IGFBP7: variants seen among roughly 807,000 people sequenced by gnomAD.
IGFBP7 encodes insulin-like growth factor-binding protein 7.
IGFBP7 carries 31 observed loss-of-function variants against 29.4 expected under a neutral mutation model. That is an observed-to-expected ratio of 1.05 (90% CI 0.79 to 1.42). The LOEUF (loss-of-function observed/expected upper bound fraction) is 1.42, where lower values mean the gene tolerates loss of function less well. IGFBP7 is among the 40% of genes most tolerant of loss of function. The pLI is 0.00. For synonymous variants in IGFBP7, 172 were observed against 174.9 expected, an observed-to-expected ratio of 0.98 and a Z score of 0.13; for missense variants, 393 against 395.5, an observed-to-expected ratio of 0.99 and a Z score of 0.05.
intron 1 of IGFBP7, among the ~76,000 whole-genome samples, chr4:57,059,481 A>C (rs1264192843): frequency 1.3e-5 from 2 of 152,208 alleles, no homozygotes; most frequent in Non-Finnish European, 2.9e-5. Flanking sequence ...TATCCTCAGC[A>C]AACTAACACA....
At chr4:57,055,039 G>A (rs1425862802) in intron 1 of IGFBP7, among the ~76,000 whole-genome samples, 1 of 152,242 alleles carries the variant, frequency 6.6e-6, no homozygotes, top group Non-Finnish European at 1.5e-5. Context: ...GGGTCCGACA[G>A]TGCAGTATAG....
intron 1 of IGFBP7, among the ~76,000 whole-genome samples, chr4:57,060,244 A>G (rs1410088537): frequency 6.6e-6 from 1 of 152,182 alleles, no homozygotes; most frequent in Non-Finnish European, 1.5e-5. Context: ...GAGTCCAATA[A>G]CAAGATGCAG....
intron 1 of IGFBP7, among the ~76,000 whole-genome samples, chr4:57,071,353 A>G (rs984127490): frequency 8.5e-5 from 13 of 152,168 alleles, no homozygotes; most frequent in African/African-American, 3.1e-4. Flanking sequence ...GCGTTAGGAG[A>G]GCAGGATCTG....
At chr4:57,038,321 A>G (rs1724133305) in intron 2 of IGFBP7, among the ~76,000 whole-genome samples, 1 of 152,340 alleles carries the variant, frequency 6.6e-6, no homozygotes, top group East Asian at 1.9e-4. Context: ...AGTGGAGTTG[A>G]TATCTCCCAC....
intron 3 of IGFBP7, 75 bp from the exon 4 acceptor site, chr4:57,032,627 T>G: frequency 8.5e-7 from 1 of 1,171,286 alleles, no homozygotes; most frequent in Non-Finnish European, 1.3e-6. Flanking sequence ...GAGGTCATTA[T>G]TTCATAAATT....
chr4:57,108,963 A>G (rs1181460241), intron 1 of IGFBP7, among the ~76,000 whole-genome samples: 1 of 152,220 alleles, frequency 6.6e-6, no homozygotes, highest in East Asian at 1.9e-4. Flanking sequence ...ATTATGCAAA[A>G]CAATACAAAT....
intron 2 of IGFBP7, among the ~76,000 whole-genome samples, chr4:57,038,248 T>C (rs1045019263): frequency 2.0e-5 from 3 of 152,238 alleles, no homozygotes; most frequent in African/African-American, 7.2e-5. Flanking sequence ...ATTTTCACAA[T>C]GCAGCAGGGA....
chr4:57,052,133 C>G (rs528835158), intron 1 of IGFBP7, among the ~76,000 whole-genome samples: 1 of 151,894 alleles, frequency 6.6e-6, no homozygotes, highest in Non-Finnish European at 1.5e-5. Flanking sequence ...TGGGACATGG[C>G]GGGGATTAAG....
At position 57,100,071 on chromosome 4, in the gene IGFBP7, C is replaced by CTTTT. The variant is rs10669251; in HGVS notation, c.475+9802_475+9805dup. ...TTTCTTATTTCTTTTTCTTTTCTTT[C>CTTTT]TTTTTTTTTTTTTTTTTGAGACAGC... On this transcript the variant is annotated intron_variant, in intron 1 of 4. Transcript: ENST00000295666. Among the ~76,000 whole-genome samples, 80 of 115,702 alleles carry CTTTT rather than the reference C, an allele frequency of 6.9e-4. 4 individuals are homozygous for CTTTT. Among genetic ancestry groups the CTTTT allele is most frequent in the East Asian group, 3.1e-3 (12 of 3,876 alleles). The allele number at this position is 115,702 out of a possible 152,430, so 75.9% of individuals were successfully genotyped here. A position where few individuals can be genotyped will look rare whatever the true frequency, so the allele number is the denominator to read the frequency against.
chr4:57,035,649 C>T (rs141639826), intron 2 of IGFBP7, among the ~76,000 whole-genome samples: 2,171 of 152,030 alleles, frequency 0.014, 51 homozygotes, highest in African/African-American at 0.049. Flanking sequence ...TTAGTAGAGA[C>T]GGGGTTTTGC....
intron 1 of IGFBP7, among the ~76,000 whole-genome samples, chr4:57,108,616 A>T (rs1326475597): frequency 6.6e-6 from 1 of 151,366 alleles, no homozygotes; most frequent in Non-Finnish European, 1.5e-5. Flanking sequence ...ATCTCGGCTC[A>T]CTGCAACCTC....
At chr4:57,045,052 G>A (rs1724324447) in intron 1 of IGFBP7, among the ~76,000 whole-genome samples, 1 of 152,172 alleles carries the variant, frequency 6.6e-6, no homozygotes, top group East Asian at 1.9e-4. Context: ...TACTTTGAAT[G>A]ACAGCCATCG....
At chr4:57,086,611 G>C (rs1291200030) in intron 1 of IGFBP7, among the ~76,000 whole-genome samples, 1 of 152,106 alleles carries the variant, frequency 6.6e-6, no homozygotes, top group African/African-American at 2.4e-5. Context: ...GGGATAGCTT[G>C]TCACCTTTTT....
Position 57,110,154 on chromosome 4 carries a change from G to T in IGFBP7, c.198C>A (p.Gly66=). 2.0e-6 allele frequency: 3 copies of T among 1,465,946 alleles called. No homozygotes were observed. Among genetic ancestry groups the T allele is most frequent in the Non-Finnish European group, 8.9e-7 (1 of 1,117,362 alleles). 90.8% of individuals were successfully genotyped at this position (1,465,946 alleles called of 1,614,324 possible). ...ACGCCPMCAR[G]EGEPCGGGGA... ...CGCCACCCCCGCACGGCTCGCCCTC[G>T]CCGCGGGCGCACATAGGGCAGCAGC... Residue 66 remains glycine (G), a synonymous_variant, in exon 1 of 5, where the codon GGC becomes GGA. Coordinates refer to ENST00000295666, the MANE Select transcript of IGFBP7 (RefSeq NM_001553.3).
At chr4:57,050,282 T>G (rs978750422) in intron 1 of IGFBP7, among the ~76,000 whole-genome samples, 1 of 151,408 alleles carries the variant, frequency 6.6e-6, no homozygotes, top group African/African-American at 2.4e-5. Context: ...TTTCGCTCTT[T>G]CGCTCAGGCA....
At chr4:57,097,590 C>T (rs147171609) in intron 1 of IGFBP7, among the ~76,000 whole-genome samples, 2 of 152,070 alleles carry the variant, frequency 1.3e-5, no homozygotes, top group South Asian at 4.1e-4. Flanking sequence ...AACATGGAAA[C>T]GAAACAGCAT....
intron 2 of IGFBP7, among the ~76,000 whole-genome samples, chr4:57,038,859 G>A (rs1355256193): frequency 6.6e-6 from 1 of 152,040 alleles, no homozygotes; most frequent in African/African-American, 2.4e-5. Context: ...CTGAGGTCGG[G>A]AGTTCGAGAC....
intron 1 of IGFBP7, among the ~76,000 whole-genome samples, chr4:57,064,330 A>C (rs1369678437): frequency 2.0e-5 from 3 of 152,222 alleles, no homozygotes; most frequent in Non-Finnish European, 4.4e-5. Context: ...GCACCACTGC[A>C]CTCCAGCCTG....
rs1436051475 is a variant in IGFBP7, at chr4:57,057,803, G to T, written c.476-16870C>A. ...CAATGCTTTTTCACAAACACCAGCTGCTTGTCAACAAAGGGGAAGAGGTAG... is the reference window on the plus strand; with the variant it reads ...CAATGCTTTTTCACAAACACCAGCTTCTTGTCAACAAAGGGGAAGAGGTAG... On this transcript the variant is annotated intron_variant, in intron 1 of 4. Coordinates refer to ENST00000295666, the MANE Select transcript of IGFBP7 (RefSeq NM_001553.3). Among the ~76,000 whole-genome samples, 4 of 152,200 alleles carry T rather than the reference G, an allele frequency of 2.6e-5. 1 individual carries two copies. Among genetic ancestry groups the T allele is most frequent in the African/African-American group, 9.7e-5 (4 of 41,450 alleles).
Sources: allele counts gnomAD v4.1 joint callset (sites outside exome capture counted in the v4.1 genomes callset), GRCh38; gene constraint gnomAD v4.1.1; transcripts MANE v1.5; gene names NCBI Gene and HGNC (gene_info 2026-07-23, HGNC 2026-07-21).